Variants in MRPS9 observed in about 807,000 individuals in gnomAD.
MRPS9 encodes the protein mitochondrial ribosomal protein S9.
Under a neutral mutation model 59.9 loss-of-function variants are expected in MRPS9, and 45 were observed. The observed-to-expected ratio is 0.75, with a 90% CI of 0.59 to 0.96. The LOEUF is 0.96. Among genes scored for constraint, MRPS9 ranks in the 40% least tolerant of loss-of-function variants. The pLI, the probability that MRPS9 is intolerant of heterozygous loss-of-function variation, is 0.00. For synonymous variants in MRPS9, 171 were observed against 166.8 expected (o/e 1.03, Z -0.19); for missense variants, 473 against 481.1 (o/e 0.98, Z 0.16).
At chr2:105,078,244 TTTC>T (rs1341446818) in intron 4 of MRPS9, among the ~76,000 whole-genome samples, 3 of 151,856 alleles carry the variant, frequency 2.0e-5, no homozygotes, top group Non-Finnish European at 4.4e-5. Context: ...ATTTTTTCTC[TTTC>T]TTTGTGATAT....
chr2:105,095,585 C>A (rs1453712581), intron 9 of MRPS9, among the ~76,000 whole-genome samples: 2 of 150,990 alleles, frequency 1.3e-5, no homozygotes, highest in Admixed American at 6.6e-5. Flanking sequence ...ACAACCTCCG[C>A]CTCCTGGGTT....
rs537718245 is a variant in MRPS9 at position 105,093,864 on chromosome 2, T to G, written c.929+226T>G. 2.0e-5 allele frequency among the ~76,000 whole-genome samples: 3 copies of G among 152,332 alleles called. No individual in the cohort carries two copies. The South Asian group carries it at 6.2e-4, about 32-fold the overall frequency. On this transcript the variant is annotated intron_variant, in intron 9 of 10. Transcript: ENST00000258455. Reference sequence around the variant, plus strand: ...CCTCATTAATTGACTCTTCTTCCCCTTTTCATCAGATCCTACTGCAGTTTG... The same window carrying G: ...CCTCATTAATTGACTCTTCTTCCCCGTTTCATCAGATCCTACTGCAGTTTG...
rs774905252 is a variant in MRPS9, at chr2:105,099,725, G to A, written c.1155G>A (p.Glu385=). The change falls in exon 11 of 11, where the codon GAG becomes GAA. Residue 385 remains glutamate, a synonymous_variant. Coordinates refer to ENST00000258455, the MANE Select transcript of MRPS9 (RefSeq NM_182640.3). ...GGGAACGGAAGAAGCCAGGCCAAGAGGGAGCCCGCAGAAAGTTTACGTGGA... is the reference window on the plus strand; with the variant it reads ...GGGAACGGAAGAAGCCAGGCCAAGAAGGAGCCCGCAGAAAGTTTACGTGGA... The part of the protein sequence containing the change: ...RVRERKKPGQ[E]GARRKFTWKK... 5.6e-6 allele frequency: 9 copies of A among 1,614,036 alleles called. No homozygotes were observed. The highest frequency in any genetic ancestry group is 6.8e-6 in the Non-Finnish European group (8 of 1,180,050).
At chr2:105,067,859 G>T (rs896382173) in intron 2 of MRPS9, among the ~76,000 whole-genome samples, 2 of 152,106 alleles carry the variant, frequency 1.3e-5, no homozygotes, top group African/African-American at 4.8e-5. Context: ...ACAGGGTCTT[G>T]CTCCATCAAC....
chr2:105,095,442 T>G (rs1680637869), intron 9 of MRPS9, among the ~76,000 whole-genome samples: 1 of 152,010 alleles, frequency 6.6e-6, no homozygotes, highest in African/African-American at 2.4e-5. Context: ...TGGAGCCAGA[T>G]GGTCGAGGTA....
intron 4 of MRPS9, among the ~76,000 whole-genome samples, chr2:105,078,028 A>C (rs1337409386): frequency 2.0e-5 from 3 of 152,144 alleles, no homozygotes; most frequent in East Asian, 3.9e-4. Context: ...CTGGTATCAA[A>C]ACCCAGCAAA....
At chr2:105,081,874 A>G (rs1248597054) in intron 5 of MRPS9, among the ~76,000 whole-genome samples, 4 of 152,218 alleles carry the variant, frequency 2.6e-5, no homozygotes, top group African/African-American at 9.6e-5. Context: ...TATGTATAGC[A>G]GGTGTCATTA....
intron 1 of MRPS9, among the ~76,000 whole-genome samples, chr2:105,045,017 G>T (rs1356379283): frequency 6.6e-6 from 1 of 152,096 alleles, no homozygotes; most frequent in Non-Finnish European, 1.5e-5. Flanking sequence ...CATAGTGGCT[G>T]CAGTAAGCAG....
chr2:105,094,429 A>G (rs1680619369), intron 9 of MRPS9, among the ~76,000 whole-genome samples: 1 of 152,150 alleles, frequency 6.6e-6, no homozygotes, highest in East Asian at 1.9e-4. Context: ...ATTATCCACG[A>G]GTAACAGAAG....
In MRPS9 at chr2:105,043,675, C is replaced by T. The variant is rs373093800; in HGVS notation, c.135+5448C>T. On this transcript the variant is annotated intron_variant, in intron 1 of 10. Transcript: ENST00000258455. ...GAGACAAGAGTCTTGCTCTGTCACC[C>T]GGGCTGGAGTGTGCAGTGGTGCAAT... Among the ~76,000 whole-genome samples, 132 of 152,178 alleles carry T rather than the reference C, an allele frequency of 8.7e-4. 1 individual carries two copies. The highest frequency in any genetic ancestry group is 3.0e-3 in the African/African-American group (125 of 41,532).
intron 8 of MRPS9, among the ~76,000 whole-genome samples, chr2:105,093,010 T>G (rs942363871): frequency 8.5e-5 from 13 of 152,224 alleles, no homozygotes; most frequent in Admixed American, 5.9e-4. Flanking sequence ...TAGTCCAACT[T>G]TTACGACTTG....
At chr2:105,095,405 G>A (rs975082977) in intron 9 of MRPS9, among the ~76,000 whole-genome samples, 20 of 151,710 alleles carry the variant, frequency 1.3e-4, no homozygotes, top group African/African-American at 4.6e-4. Context: ...ATTTCATAAT[G>A]TAATTACTGG....
At chr2:105,043,063 A>G (rs1034883549) in intron 1 of MRPS9, among the ~76,000 whole-genome samples, 2 of 152,164 alleles carry the variant, frequency 1.3e-5, no homozygotes, top group African/African-American at 2.4e-5. Flanking sequence ...TTAAAAAAAT[A>G]GATTCCTTGC....
intron 1 of MRPS9, chr2:105,038,614 T>A: frequency 1.1e-5 from 2 of 180,102 alleles, no homozygotes; most frequent in Admixed American, 1.2e-4. Flanking sequence ...TTCCTGCAGG[T>A]GCCTGGAAGA....
intron 5 of MRPS9, among the ~76,000 whole-genome samples, chr2:105,082,898 A>G (rs1354383096): frequency 6.6e-6 from 1 of 152,216 alleles, no homozygotes; most frequent in Non-Finnish European, 1.5e-5. Context: ...GTATATAATG[A>G]AAAAGTATAA....
intron 1 of MRPS9, among the ~76,000 whole-genome samples, chr2:105,044,788 A>T (rs1679565186): frequency 6.6e-6 from 1 of 152,224 alleles, no homozygotes; most frequent in Non-Finnish European, 1.5e-5. Context: ...CAAAAGGAAC[A>T]GTGTGGAAGA....
chr2:105,099,628 G>A (rs1177812886), intron 10 of MRPS9, 42 bp from the exon 11 acceptor site: 1 of 1,565,704 alleles, frequency 6.4e-7, no homozygotes. Context: ...TGGGCAGCAT[G>A]CATATTAATG....
At chr2:105,084,222 T>A (rs1680402989) in intron 5 of MRPS9, among the ~76,000 whole-genome samples, 1 of 141,084 alleles carries the variant, frequency 7.1e-6, no homozygotes, top group Non-Finnish European at 1.5e-5. Context: ...AGGAGTTACA[T>A]GGCCACAGAT....
intron 9 of MRPS9, 97 bp from the exon 10 acceptor site, chr2:105,097,058 A>G (rs1680676294): frequency 8.0e-7 from 1 of 1,253,100 alleles, no homozygotes; most frequent in East Asian, 2.7e-5. Context: ...AGTGGCATGC[A>G]GAATATTGTT....
Sources: allele counts gnomAD v4.1 joint callset (sites outside exome capture counted in the v4.1 genomes callset), GRCh38; gene constraint gnomAD v4.1.1; transcripts MANE v1.5; gene names NCBI Gene and HGNC (gene_info 2026-07-23, HGNC 2026-07-21).